NDP: variants seen among roughly 807,000 people sequenced by gnomAD.
The protein encoded by NDP is norrin.
A neutral mutation model predicts 8.4 loss-of-function variants in NDP; 2 were observed. The observed-to-expected ratio is 0.24, with a 90% confidence interval of 0.10 to 0.75. The LOEUF (loss-of-function observed/expected upper bound fraction) is 0.75, where lower values mean the gene tolerates loss of function less well. Ranked by LOEUF, NDP falls within the 30% of genes least tolerant of loss-of-function variation. The pLI is 0.73. For synonymous variants in NDP, 55 were observed against 45.6 expected, an observed-to-expected ratio of 1.21 and a Z score of -0.83; for missense variants, 81 against 110.1, an observed-to-expected ratio of 0.74 and a Z score of 1.18.
rs1227849127 is a variant in NDP at position 43,958,461 on chromosome X, C to A, written c.174+11G>T. The A allele has an allele frequency of 5.5e-5, 67 of 1,207,643 alleles. No homozygotes were observed. Among genetic ancestry groups the A allele is most frequent in the Non-Finnish European group, 6.9e-5 (62 of 892,636 alleles). The stretch of plus-strand genomic sequence containing the variant: ...AGGGAAATGCTCTCCTCACAGAGAC[C>A]TTGGTCTTACCTTTGAGCTACACTT... On this transcript the variant is annotated intron_variant, in intron 2 of 2. Coordinates refer to ENST00000642620, the MANE Select transcript of NDP (RefSeq NM_000266.4).
chrX:43,952,434 G>T (rs113069141), intron 2 of NDP, among the ~76,000 whole-genome samples: 2,246 of 111,661 alleles, frequency 0.02, 67 homozygotes, highest in African/African-American at 0.068. Flanking sequence ...TTTCAGTCTG[G>T]GTGGACAAAG....
At chrX:43,954,536 G>C (rs758982444) in intron 2 of NDP, 2 of 111,005 alleles carry the variant, frequency 1.8e-5, no homozygotes, top group Non-Finnish European at 3.8e-5. Context: ...ACCTTCCACA[G>C]CACCTGGACA....
intron 2 of NDP, among the ~76,000 whole-genome samples, chrX:43,955,583 A>G (rs1163949271): frequency 8.9e-6 from 1 of 112,529 alleles, no homozygotes; most frequent in Non-Finnish European, 1.9e-5. Flanking sequence ...CCTTTACTCC[A>G]AATTTTAGAG....
intron 2 of NDP, among the ~76,000 whole-genome samples, chrX:43,953,579 A>T (rs1194310798): frequency 3.6e-5 from 4 of 112,664 alleles, no homozygotes; most frequent in African/African-American, 1.3e-4. Flanking sequence ...TCATTTCGCT[A>T]ATAAGAACAT....
At chrX:43,964,191 CTG>C (rs1378313504) in intron 1 of NDP, among the ~76,000 whole-genome samples, 6 of 111,661 alleles carry the variant, frequency 5.4e-5, no homozygotes, top group Non-Finnish European at 1.1e-4. Context: ...TGATAGGACT[CTG>C]TGTTCTCCCA....
At chrX:43,952,783 A>C (rs2035770355) in intron 2 of NDP, among the ~76,000 whole-genome samples, 1 of 112,100 alleles carries the variant, frequency 8.9e-6, no homozygotes, top group Non-Finnish European at 1.9e-5. Context: ...AGACATGTAC[A>C]ATAAATGCCT....
chrX:43,949,300 G>T lies in NDP; in HGVS notation c.*499C>A, dbSNP rs1274825559. On this transcript the variant is annotated 3_prime_UTR_variant, in exon 3 of 3. Coordinates refer to ENST00000642620, the MANE Select transcript of NDP (RefSeq NM_000266.4). ...GTAGCTAAACATATCCACATGCTTG[G>T]TATCTGGACTTTGAAATCGGTAACC... The T allele has an allele frequency of 7.4e-6, 1 of 135,808 alleles. No homozygotes were observed. The allele number at this position is 135,808 out of a possible 1,213,427, so 11.2% of individuals were successfully genotyped here. A position where few individuals can be genotyped will look rare whatever the true frequency, so the allele number is the denominator to read the frequency against.
chrX:43,951,539 C>T (rs997043173), intron 2 of NDP, among the ~76,000 whole-genome samples: 6 of 112,076 alleles, frequency 5.4e-5, no homozygotes, highest in Non-Finnish European at 7.5e-5. Context: ...AACCTTTTGA[C>T]GTTTACCTTA....
At chrX:43,953,547 T>C (rs987896563) in intron 2 of NDP, 5 of 112,746 alleles carry the variant, frequency 4.4e-5, no homozygotes, top group African/African-American at 9.7e-5. Flanking sequence ...GGCTGTGCTC[T>C]AGATGAATCA....
intron 1 of NDP, chrX:43,966,579 A>C (rs1187615318): frequency 9.0e-6 from 1 of 111,464 alleles, no homozygotes; most frequent in Non-Finnish European, 1.9e-5. Context: ...CAGTCTTGCC[A>C]AAATGCATGA....
intron 2 of NDP, among the ~76,000 whole-genome samples, chrX:43,954,042 C>T (rs1229971786): frequency 3.6e-5 from 4 of 112,458 alleles, no homozygotes; most frequent in Non-Finnish European, 5.6e-5. Flanking sequence ...CTGTCCCACC[C>T]TAGAAGAGCA....
In NDP at chrX:43,958,550, C is replaced by T; in HGVS notation, c.96G>A (p.Met32Ile). The change falls in exon 2 of 3, where the codon ATG becomes ATA. Residue 32 changes from methionine to isoleucine, a missense_variant. By Grantham distance (10) the Met-to-Ile change is conservative. Coordinates refer to ENST00000642620, the MANE Select transcript of NDP (RefSeq NM_000266.4). Reference sequence around the variant, plus strand: ...TCATGCAGCGTCGAGGGTCCGAGTCCATTATGAATGAGCTGTCCGTTTTAC... The same window carrying T: ...TCATGCAGCGTCGAGGGTCCGAGTCTATTATGAATGAGCTGTCCGTTTTAC... ...TDSKTDSSFI[M>I]DSDPRRCMRH... is the part of the protein sequence containing the mutation. 8.3e-7 allele frequency: 1 copy of T among 1,211,204 alleles called. No homozygotes were observed.
At chrX:43,966,942 A>C (rs1410615487) in intron 1 of NDP, among the ~76,000 whole-genome samples, 1 of 111,969 alleles carries the variant, frequency 8.9e-6, no homozygotes, top group Non-Finnish European at 1.9e-5. Flanking sequence ...TTCCCCATTC[A>C]ATTTGCCTTT....
chrX:43,950,149 A>T (rs1180671838), intron 2 of NDP, 123 bp from the exon 3 acceptor site: 5 of 591,138 alleles, frequency 8.5e-6, no homozygotes, highest in Non-Finnish European at 8.3e-6. Flanking sequence ...CCAGTGGCTC[A>T]ATGCATGTTG....
At chrX:43,954,707 T>C (rs1250813162) in intron 2 of NDP, among the ~76,000 whole-genome samples, 3 of 111,253 alleles carry the variant, frequency 2.7e-5, no homozygotes, top group African/African-American at 9.8e-5. Flanking sequence ...GGGGTCCTGT[T>C]AGGAAGCTGT....
At chrX:43,963,341 G>GGAC (rs771507223) in intron 1 of NDP, among the ~76,000 whole-genome samples, 586 of 58,483 alleles carry the variant, frequency 0.01, 5 homozygotes, top group Middle Eastern at 0.018. Context: ...TTGTTTTCCT[G>GGAC]GATGGTTTTT....
intron 1 of NDP, chrX:43,960,780 T>C (rs1374824496): frequency 8.9e-6 from 1 of 112,334 alleles, no homozygotes; most frequent in East Asian, 2.8e-4. Flanking sequence ...TGCTTCGGTC[T>C]ACAGATATTT....
chrX:43,955,992 TGAA>T (rs2035790886), intron 2 of NDP, among the ~76,000 whole-genome samples: 1 of 112,278 alleles, frequency 8.9e-6, no homozygotes, highest in Non-Finnish European at 1.9e-5. Flanking sequence ...TCCTCCAATA[TGAA>T]GATCCAAGTA....
At chrX:43,955,284 T>G (rs1180144059) in intron 2 of NDP, among the ~76,000 whole-genome samples, 1 of 112,278 alleles carries the variant, frequency 8.9e-6, no homozygotes, top group Non-Finnish European at 1.9e-5. Flanking sequence ...TCATAATATC[T>G]TCTATTAAAT....
Sources: allele counts gnomAD v4.1 joint callset (sites outside exome capture counted in the v4.1 genomes callset), GRCh38; gene constraint gnomAD v4.1.1; transcripts MANE v1.5; gene names NCBI Gene and HGNC (gene_info 2026-07-23, HGNC 2026-07-21).